Variants in PCDHA4 observed in about 807,000 individuals in gnomAD.
PCDHA4 encodes protocadherin alpha-4.
In PCDHA4, 49 loss-of-function variants were observed where a neutral mutation model predicts 61.4. The ratio of observed to expected loss-of-function variants is 0.80; its 90% confidence interval spans 0.63 to 1.01. The LOEUF is 1.01. Ranked by LOEUF, PCDHA4 falls within the 50% of genes least tolerant of loss-of-function variation. PCDHA4 has a pLI of 0.00. For synonymous variants in PCDHA4, 590 were observed against 550.3 expected (o/e 1.07, Z -1.01); for missense variants, 1,254 against 1,235.8 (o/e 1.01, Z -0.22).
intron 1 of PCDHA4, chr5:140,852,192 T>C: frequency 1.4e-6 from 1 of 716,718 alleles, no homozygotes; most frequent in Non-Finnish European, 1.8e-6. Context: ...AAAATGCCAG[T>C]AACGTTTATT....
chr5:140,842,466 A>C, intron 1 of PCDHA4: 1 of 1,613,912 alleles, frequency 6.2e-7, no homozygotes, highest in Non-Finnish European at 8.5e-7. Context: ...TCAGGTGCCA[A>C]CGGGCAGGTG....
intron 3 of PCDHA4, 123 bp downstream of exon 3, chr5:140,982,686 C>T: frequency 2.8e-6 from 4 of 1,418,870 alleles, no homozygotes; most frequent in Non-Finnish European, 3.7e-6. Context: ...TCCCTTTTTT[C>T]CATACATACA....
rs569501434 is a variant in PCDHA4 at position 140,980,458 on chromosome 5, T to C, written c.2444+1451T>C. Among the ~76,000 whole-genome samples the C allele has an allele frequency of 1.6e-4, 25 of 152,264 alleles. No individual in the cohort carries two copies. The South Asian group carries it at 2.7e-3, about 16-fold the overall frequency. ...CATCCTGGACAACACGGTGAAACCC[T>C]GTCTCTACTAAAAATACAAAAATTA... On this transcript the variant is annotated intron_variant, in intron 2 of 3. Coordinates refer to ENST00000530339, the MANE Select transcript of PCDHA4 (RefSeq NM_018907.4).
intron 1 of PCDHA4, among the ~76,000 whole-genome samples, chr5:140,885,868 A>G (rs1347875524): frequency 6.6e-6 from 1 of 152,202 alleles, no homozygotes; most frequent in Admixed American, 6.5e-5. Context: ...TCTATTGAAA[A>G]AAAATTTTTA....
At chr5:140,830,470 AG>A in intron 1 of PCDHA4, 2 of 1,563,546 alleles carry the variant, frequency 1.3e-6, no homozygotes. Context: ...ATTTAAATGA[AG>A]ATCATGATGC....
At chr5:140,850,702 A>G in intron 1 of PCDHA4, 1 of 1,598,166 alleles carries the variant, frequency 6.3e-7, no homozygotes, top group Middle Eastern at 1.7e-4. Flanking sequence ...GCGCCTGGCA[A>G]GCCGACGCTG....
At chr5:140,850,389 A>T in intron 1 of PCDHA4, 1 of 1,597,864 alleles carries the variant, frequency 6.3e-7, no homozygotes, top group South Asian at 1.1e-5. Context: ...GGGCGAGATC[A>T]GCACAACGCG....
At chr5:140,895,332 G>C (rs1021596445) in intron 1 of PCDHA4, among the ~76,000 whole-genome samples, 1 of 151,584 alleles carries the variant, frequency 6.6e-6, no homozygotes, top group South Asian at 2.1e-4. Context: ...TTCTCAAATT[G>C]TTTTACTATG....
chr5:140,967,985 A>G, intron 1 of PCDHA4: 3 of 1,614,218 alleles, frequency 1.9e-6, no homozygotes, highest in East Asian at 4.5e-5. Flanking sequence ...TCTGGAGGCC[A>G]CACTGCCTTT....
At chr5:140,987,480 A>C (rs1489888830) in intron 3 of PCDHA4, among the ~76,000 whole-genome samples, 2 of 152,192 alleles carry the variant, frequency 1.3e-5, no homozygotes, top group African/African-American at 4.8e-5. Flanking sequence ...CTTGGGAGTC[A>C]GTGACCCTTT....
At chr5:140,841,888 T>A (rs2150324867) in intron 1 of PCDHA4, 2 of 1,613,782 alleles carry the variant, frequency 1.2e-6, no homozygotes, top group Non-Finnish European at 1.7e-6. Flanking sequence ...ACGATGAGAA[T>A]AAACTGGTTG....
chr5:140,869,600 C>T lies in PCDHA4; in HGVS notation c.2385+60028C>T, dbSNP rs782754801. The stretch of plus-strand genomic sequence containing the variant: ...TCTGATGCTGACATTGAAGAGAATG[C>T]TCTATTGACCTACAGGCTAAGTAAA... On this transcript the variant is annotated intron_variant, in intron 1 of 3. Transcript: ENST00000530339. 1.9e-6 allele frequency: 3 copies of T among 1,613,922 alleles called. No homozygotes were observed. The African/African-American group carries it at 4.0e-5, about 22-fold the overall frequency.
At chr5:140,953,514 AC>A (rs1209488542) in intron 1 of PCDHA4, among the ~76,000 whole-genome samples, 2 of 152,136 alleles carry the variant, frequency 1.3e-5, no homozygotes, top group Non-Finnish European at 2.9e-5. Flanking sequence ...GGCCAAAGCA[AC>A]AAAAACGGGA....
At chr5:141,000,080 G>C (rs1554257118) in intron 3 of PCDHA4, among the ~76,000 whole-genome samples, 1 of 152,068 alleles carries the variant, frequency 6.6e-6, no homozygotes, top group Non-Finnish European at 1.5e-5. Flanking sequence ...ACAATGCTAG[G>C]CCTGTGAATG....
At chr5:140,830,537 G>A (rs2150187557) in intron 1 of PCDHA4, 1 of 1,226,140 alleles carries the variant, frequency 8.2e-7, no homozygotes, top group Non-Finnish European at 1.1e-6. Flanking sequence ...ATTTATAATT[G>A]TTTTCCTCAT....
chr5:140,909,234 A>G (rs782659410), intron 1 of PCDHA4, among the ~76,000 whole-genome samples: 12 of 152,220 alleles, frequency 7.9e-5, no homozygotes, highest in Non-Finnish European at 1.3e-4. Context: ...GTAGGATGGT[A>G]AAGATATATT....
chr5:140,873,230 A>G (rs888976655), intron 1 of PCDHA4, among the ~76,000 whole-genome samples: 2 of 152,354 alleles, frequency 1.3e-5, no homozygotes, highest in Admixed American at 1.3e-4. Context: ...AGGCAACAAT[A>G]TAAAAATATA....
intron 1 of PCDHA4, among the ~76,000 whole-genome samples, chr5:140,900,319 C>T (rs1032725241): frequency 3.3e-5 from 5 of 152,046 alleles, no homozygotes; most frequent in Non-Finnish European, 7.3e-5. Flanking sequence ...CTTTTGTCGC[C>T]CAGGCTGGAG....
intron 1 of PCDHA4, among the ~76,000 whole-genome samples, chr5:140,949,796 C>G (rs1471707326): frequency 6.6e-6 from 1 of 151,864 alleles, no homozygotes; most frequent in Non-Finnish European, 1.5e-5. Context: ...TTGTGTCCTT[C>G]AATACATTAT....
Sources: gnomAD v4.1 joint callset for allele counts (sites outside exome capture counted in the v4.1 genomes callset) on GRCh38, gnomAD v4.1.1 for gene constraint, MANE v1.5 for transcripts, NCBI Gene and HGNC (gene_info 2026-07-23, HGNC 2026-07-21) for gene names.